The following TMEM232 variants were observed in gnomAD, a reference collection of about 807,000 sequenced individuals.
TMEM232 encodes transmembrane protein 232.
Under a neutral mutation model 78.8 loss-of-function variants are expected in TMEM232, and 80 were observed. The ratio of observed to expected loss-of-function variants is 1.01; its 90% CI spans 0.85 to 1.22. The LOEUF is 1.22. TMEM232 is among the 50% of genes most tolerant of loss of function. The pLI is 0.00. For missense variants in TMEM232, 881 were observed against 742.2 expected (o/e 1.19, Z -2.17); for synonymous variants, 297 against 254.3 (o/e 1.17, Z -1.60).
chr5:110,505,436 C>T (rs1301328374), intron 12 of TMEM232, among the ~76,000 whole-genome samples: 5 of 152,206 alleles, frequency 3.3e-5, no homozygotes, highest in Admixed American at 2.0e-4. Context: ...ATTGTTTGCA[C>T]TGACCATAGT....
At chr5:110,615,023 T>A (rs1782751828) in intron 8 of TMEM232, among the ~76,000 whole-genome samples, 1 of 151,968 alleles carries the variant, frequency 6.6e-6, no homozygotes, top group African/African-American at 2.4e-5. Context: ...AATATTGCAA[T>A]CTTTGTCAAA....
intron 1 of TMEM232, among the ~76,000 whole-genome samples, chr5:110,698,508 T>C (rs1229063954): frequency 6.6e-6 from 1 of 152,120 alleles, no homozygotes; most frequent in South Asian, 2.1e-4. Context: ...GATGGCATAG[T>C]CGGCAGAATT....
intron 12 of TMEM232, among the ~76,000 whole-genome samples, chr5:110,508,865 T>TAC (rs905961831): frequency 6.9e-5 from 10 of 144,736 alleles, no homozygotes; most frequent in East Asian, 2.0e-4. Context: ...TATATATATA[T>TAC]ACACACACAC....
intron 11 of TMEM232, among the ~76,000 whole-genome samples, chr5:110,567,281 T>C (rs1342942456): frequency 1.3e-5 from 2 of 151,718 alleles, no homozygotes. Context: ...AAATTATTTT[T>C]ATTTTTATCT....
chr5:110,466,115 A>G (rs1359590034), intron 12 of TMEM232, among the ~76,000 whole-genome samples: 1 of 152,208 alleles, frequency 6.6e-6, no homozygotes, highest in Non-Finnish European at 1.5e-5. Flanking sequence ...ATTTATGGAG[A>G]GATTGGATTG....
At chr5:110,579,311 A>G (rs1777913104) in intron 10 of TMEM232, among the ~76,000 whole-genome samples, 1 of 151,662 alleles carries the variant, frequency 6.6e-6, no homozygotes, top group Non-Finnish European at 1.5e-5. Context: ...TTGAGGGAAC[A>G]CATTATAACT....
intron 8 of TMEM232, 83 bp from the exon 9 acceptor site, chr5:110,606,370 A>C: frequency 7.4e-7 from 1 of 1,343,546 alleles, no homozygotes. Flanking sequence ...AAAATGAAAT[A>C]GGTCAGAGGA....
intron 8 of TMEM232, among the ~76,000 whole-genome samples, chr5:110,608,264 A>C (rs1176228644): frequency 6.6e-6 from 1 of 151,980 alleles, no homozygotes; most frequent in Non-Finnish European, 1.5e-5. Flanking sequence ...ACTCTATGTA[A>C]AATGACAAGG....
intron 12 of TMEM232, among the ~76,000 whole-genome samples, chr5:110,521,978 A>C (rs1769587855): frequency 6.6e-6 from 1 of 152,084 alleles, no homozygotes; most frequent in Admixed American, 6.5e-5. Context: ...CAGAATTGTT[A>C]TTTCTATTTA....
chr5:110,398,221 G>A (rs1755466121), intron 2 of TMEM232, among the ~76,000 whole-genome samples: 1 of 152,032 alleles, frequency 6.6e-6, no homozygotes, highest in Non-Finnish European at 1.5e-5. Context: ...TGTGGAGAAC[G>A]AAAAATGGGT....
At chr5:110,631,583 C>T (rs1785140474) in intron 5 of TMEM232, among the ~76,000 whole-genome samples, 1 of 152,172 alleles carries the variant, frequency 6.6e-6, no homozygotes, top group Non-Finnish European at 1.5e-5. Context: ...GCAGGTGAAC[C>T]AGATGGCACC....
intron 1 of TMEM232, among the ~76,000 whole-genome samples, chr5:110,724,812 A>AAATGACTAGTCT (rs1232198324): frequency 6.6e-6 from 1 of 152,218 alleles, no homozygotes; most frequent in African/African-American, 2.4e-5. Flanking sequence ...CCAGATAGGT[A>AAATGACTAGTCT]TAGAGCACCT....
intron 12 of TMEM232, among the ~76,000 whole-genome samples, chr5:110,514,962 G>T (rs1205467706): frequency 1.3e-5 from 2 of 152,184 alleles, no homozygotes; most frequent in African/African-American, 2.4e-5. Flanking sequence ...AAAAAGAATT[G>T]TTTGAACATA....
At chr5:110,588,832 G>A (rs1452367406) in intron 10 of TMEM232, among the ~76,000 whole-genome samples, 2 of 152,080 alleles carry the variant, frequency 1.3e-5, no homozygotes, top group African/African-American at 4.8e-5. Flanking sequence ...GATGAGTGCT[G>A]TATGATTGAG....
intron 12 of TMEM232, among the ~76,000 whole-genome samples, chr5:110,444,238 G>A (rs529339295): frequency 1.3e-5 from 2 of 152,178 alleles, no homozygotes; most frequent in East Asian, 1.9e-4. Flanking sequence ...CTGATGACAA[G>A]GTTTGTTCTT....
intron 2 of TMEM232, among the ~76,000 whole-genome samples, chr5:110,644,281 A>G (rs973613747): frequency 3.3e-5 from 5 of 152,050 alleles, no homozygotes; most frequent in East Asian, 1.9e-4. Flanking sequence ...TACGCTACAT[A>G]AAGTGTCCAA....
intron 2 of TMEM232, among the ~76,000 whole-genome samples, chr5:110,659,129 G>C (rs932391827): frequency 6.6e-6 from 1 of 152,104 alleles, no homozygotes; most frequent in Non-Finnish European, 1.5e-5. Context: ...TAGAGATACA[G>C]GTGTTAGGAA....
chr5:110,411,660 C>T (rs1295629414), intron 2 of TMEM232, among the ~76,000 whole-genome samples: 1 of 152,166 alleles, frequency 6.6e-6, no homozygotes, highest in Non-Finnish European at 1.5e-5. Context: ...AATTTGACCA[C>T]TACAGATATA....
chr5:110,579,164 G>T (rs1333144524), intron 10 of TMEM232, among the ~76,000 whole-genome samples: 1 of 151,076 alleles, frequency 6.6e-6, no homozygotes, highest in Non-Finnish European at 1.5e-5. Context: ...TTTTAAGCAG[G>T]AATTTTGCCT....
Sources: gnomAD v4.1 joint callset for allele counts (sites outside exome capture counted in the v4.1 genomes callset) on GRCh38, gnomAD v4.1.1 for gene constraint, MANE v1.5 for transcripts, NCBI Gene and HGNC (gene_info 2026-07-23, HGNC 2026-07-21) for gene names.